The following ADAM29 variants were observed in gnomAD, a reference collection of about 807,000 sequenced individuals.
ADAM29 encodes the protein ADAM metallopeptidase domain 29.
For missense variants in ADAM29, 969 were observed against 1,001.8 expected, an observed-to-expected ratio of 0.97 and a Z score of 0.44; for synonymous variants, 367 against 342.3, an observed-to-expected ratio of 1.07 and a Z score of -0.80.
chr4:174,932,336 T>C (rs13435087), intron 3 of ADAM29, among the ~76,000 whole-genome samples: 4,187 of 152,168 alleles, frequency 0.028, 188 homozygotes, highest in African/African-American at 0.094. Context: ...TTTTCCTGAA[T>C]GGGGAGAAAG....
At chr4:174,954,026 A>G (rs756835808) in intron 4 of ADAM29, among the ~76,000 whole-genome samples, 13 of 152,132 alleles carry the variant, frequency 8.5e-5, no homozygotes, top group Non-Finnish European at 1.9e-4. Context: ...TCTTTATTAT[A>G]TCATGTCATT....
intron 4 of ADAM29, among the ~76,000 whole-genome samples, chr4:174,960,727 C>G: frequency 6.6e-6 from 1 of 152,112 alleles, no homozygotes; most frequent in East Asian, 1.9e-4. Context: ...TAAGTGTAAA[C>G]ATATTTGTTA....
chr4:174,929,215 T>C (rs975563311), intron 2 of ADAM29, among the ~76,000 whole-genome samples: 9 of 152,332 alleles, frequency 5.9e-5, no homozygotes, highest in African/African-American at 2.2e-4. Flanking sequence ...ACCTCTTCTG[T>C]GAGGTACACT....
chr4:174,935,509 GA>G (rs1744153756), intron 3 of ADAM29, among the ~76,000 whole-genome samples: 1 of 152,000 alleles, frequency 6.6e-6, no homozygotes, highest in Non-Finnish European at 1.5e-5. Flanking sequence ...CGTCTAGTAA[GA>G]TTTTTTTGCT....
intron 3 of ADAM29, among the ~76,000 whole-genome samples, chr4:174,936,214 T>C (rs1014787580): frequency 6.6e-6 from 1 of 152,074 alleles, no homozygotes; most frequent in Non-Finnish European, 1.5e-5. Context: ...ATTCTGTCTC[T>C]ATAATATCAA....
chr4:174,965,380 G>T (rs1233537723), intron 4 of ADAM29, among the ~76,000 whole-genome samples: 1 of 152,078 alleles, frequency 6.6e-6, no homozygotes, highest in Admixed American at 6.5e-5. Context: ...CTACCCCCAT[G>T]ATCTGAACAT....
At chr4:174,954,138 T>C (rs376430464) in intron 4 of ADAM29, among the ~76,000 whole-genome samples, 2 of 152,164 alleles carry the variant, frequency 1.3e-5, no homozygotes, top group South Asian at 4.1e-4. Context: ...ATGCCCCCAA[T>C]TTACCCTTAA....
rs779631651 is a variant in ADAM29, at chr4:174,977,818, C to A, written c.2293C>A (p.Pro765Thr). Residue 765 changes from proline (P) to threonine (T), a missense_variant, in exon 5 of 5, where the codon CCC becomes ACC. By Grantham distance (38) the Pro-to-Thr change is conservative. Coordinates refer to ENST00000359240, the MANE Select transcript of ADAM29 (RefSeq NM_014269.4). ...TTCCCAGAGTCAACCTCCTGTGACA[C>A]CCTCCCAGAGTCAACCTCGGGTGAT... ...MPSQSQPPVT[P>T]SQSQPRVMPS... 2.5e-6 allele frequency: 4 copies of A among 1,586,950 alleles called. No individual in the cohort carries two copies. The highest frequency in any genetic ancestry group is 3.4e-6 in the Non-Finnish European group (4 of 1,162,446).
At chr4:174,962,338 C>T (rs1473183062) in intron 4 of ADAM29, among the ~76,000 whole-genome samples, 3 of 151,812 alleles carry the variant, frequency 2.0e-5, no homozygotes, top group Non-Finnish European at 2.9e-5. Context: ...GGTGAAACCC[C>T]GTCTCTACTA....
intron 4 of ADAM29, among the ~76,000 whole-genome samples, chr4:174,946,912 A>C (rs1034315164): frequency 2.6e-5 from 4 of 151,964 alleles, no homozygotes; most frequent in Non-Finnish European, 5.9e-5. Context: ...TTACTGATTC[A>C]ATTTTGGAAC....
intron 4 of ADAM29, among the ~76,000 whole-genome samples, chr4:174,952,444 G>A (rs6553852): frequency 0.42 from 63,639 of 151,914 alleles, 13,878 homozygotes; most frequent in African/African-American, 0.54. Flanking sequence ...GAATATCAGT[G>A]CATACTAACA....
At chr4:174,949,227 C>T (rs1433231250) in intron 4 of ADAM29, among the ~76,000 whole-genome samples, 1 of 152,096 alleles carries the variant, frequency 6.6e-6, no homozygotes, top group Non-Finnish European at 1.5e-5. Flanking sequence ...GACTGCTCTG[C>T]TCTGTCCAGG....
chr4:174,969,968 T>C (rs1746380872), intron 4 of ADAM29, among the ~76,000 whole-genome samples: 2 of 152,220 alleles, frequency 1.3e-5, no homozygotes, highest in Non-Finnish European at 2.9e-5. Context: ...TGGGGCTTGA[T>C]TTATCATTCT....
intron 4 of ADAM29, among the ~76,000 whole-genome samples, chr4:174,974,854 C>T (rs1393847121): frequency 6.6e-6 from 1 of 151,866 alleles, no homozygotes; most frequent in Non-Finnish European, 1.5e-5. Context: ...TGATAAGAAC[C>T]AAAAATTTAA....
At chr4:174,965,965 CT>C (rs1746135550) in intron 4 of ADAM29, among the ~76,000 whole-genome samples, 1 of 152,172 alleles carries the variant, frequency 6.6e-6, no homozygotes, top group Non-Finnish European at 1.5e-5. Flanking sequence ...ACAGTCATCC[CT>C]TGATATCCAA....
chr4:174,928,730 G>A (rs1213026011), intron 2 of ADAM29, among the ~76,000 whole-genome samples: 1 of 152,096 alleles, frequency 6.6e-6, no homozygotes, highest in Admixed American at 6.6e-5. Context: ...AGGGAGGTTG[G>A]TAAACATGAT....
At chr4:174,957,913 C>A (rs758827795) in intron 4 of ADAM29, among the ~76,000 whole-genome samples, 2 of 151,774 alleles carry the variant, frequency 1.3e-5, no homozygotes, top group African/African-American at 4.8e-5. Context: ...ATTTTATGAG[C>A]TTTTGATCTT....
intron 4 of ADAM29, among the ~76,000 whole-genome samples, chr4:174,965,827 C>T (rs922111890): frequency 1.3e-5 from 2 of 152,136 alleles, no homozygotes; most frequent in African/African-American, 4.8e-5. Context: ...TTAACATCCA[C>T]AGGCTCCACT....
intron 2 of ADAM29, among the ~76,000 whole-genome samples, chr4:174,927,632 T>A (rs1269808026): frequency 6.6e-6 from 1 of 152,242 alleles, no homozygotes; most frequent in Non-Finnish European, 1.5e-5. Context: ...GATTAAGTTT[T>A]GTCTGTTGAT....
Sources: gnomAD v4.1 joint callset for allele counts (sites outside exome capture counted in the v4.1 genomes callset) on GRCh38, gnomAD v4.1.1 for gene constraint, MANE v1.5 for transcripts, NCBI Gene and HGNC (gene_info 2026-07-23, HGNC 2026-07-21) for gene names.